The following SRPK2 variants were observed in gnomAD, a reference collection of about 807,000 sequenced individuals.
SRPK2 encodes SFRS protein kinase 2.
In SRPK2, 21 loss-of-function variants were observed where a neutral mutation model predicts 90.8. The ratio of observed to expected loss-of-function variants is 0.23; its 90% CI spans 0.16 to 0.33. The LOEUF (loss-of-function observed/expected upper bound fraction) is 0.33. SRPK2 is among the 10% of genes least tolerant of loss of function. The probability of loss-of-function intolerance (pLI) is 1.00; values close to 1 mark genes in which losing one functional copy is unlikely to be tolerated. For missense variants in SRPK2, 620 were observed against 869.0 expected (o/e 0.71, Z 3.60); for synonymous variants, 288 against 311.1 (o/e 0.93, Z 0.78).
At position 105,117,805 on chromosome 7, in the gene SRPK2, T is replaced by G; in HGVS notation, c.*33A>C. On this transcript the variant is annotated 3_prime_UTR_variant, in exon 16 of 16. Transcript: ENST00000393651. Reference sequence around the variant, plus strand: ...TTAGGTCCAATGTACTGGGAACATTTGCTAGCTCAGAATGCAATATTGGTA... The same window carrying G: ...TTAGGTCCAATGTACTGGGAACATTGGCTAGCTCAGAATGCAATATTGGTA... The G allele has an allele frequency of 6.2e-7, 1 of 1,609,422 alleles. No individual in the cohort carries two copies. Among genetic ancestry groups the G allele is most frequent in the Non-Finnish European group, 8.5e-7 (1 of 1,177,764 alleles).
At chr7:105,159,123 TA>T (rs1169703065) in intron 7 of SRPK2, among the ~76,000 whole-genome samples, 1 of 152,090 alleles carries the variant, frequency 6.6e-6, no homozygotes, top group African/African-American at 2.4e-5. Flanking sequence ...GAAGACAATG[TA>T]GTGAACTTTT....
chr7:105,394,287 T>G (rs1056427213), upstream of SRPK2, among the ~76,000 whole-genome samples: 2 of 151,940 alleles, frequency 1.3e-5, no homozygotes, highest in Non-Finnish European at 2.9e-5. Flanking sequence ...GGACTACAGG[T>G]GCACACCACC....
intron 2 of SRPK2, among the ~76,000 whole-genome samples, chr7:105,219,219 T>G (rs1433571683): frequency 6.6e-6 from 1 of 152,078 alleles, no homozygotes; most frequent in Non-Finnish European, 1.5e-5. Context: ...ACGGAACATT[T>G]TGGAGACACT....
At chr7:105,260,703 A>G (rs930865204) in intron 2 of SRPK2, among the ~76,000 whole-genome samples, 2 of 152,260 alleles carry the variant, frequency 1.3e-5, no homozygotes, top group African/African-American at 2.4e-5. Flanking sequence ...CTATGCAGCC[A>G]TAAAAAAGGA....
At chr7:105,237,443 C>G (rs557763402) in intron 2 of SRPK2, among the ~76,000 whole-genome samples, 1 of 152,314 alleles carries the variant, frequency 6.6e-6, no homozygotes, top group Admixed American at 6.5e-5. Context: ...TGCAGATATT[C>G]TAGTTCATCA....
intron 6 of SRPK2, among the ~76,000 whole-genome samples, chr7:105,164,331 C>T (rs1219935995): frequency 2.6e-5 from 4 of 152,190 alleles, no homozygotes; most frequent in Non-Finnish European, 5.9e-5. Flanking sequence ...CCAAGGAGTC[C>T]TTCTCCACCA....
At chr7:105,392,509 A>T (rs1487941793), upstream of SRPK2, among the ~76,000 whole-genome samples, 2 of 152,154 alleles carry the variant, frequency 1.3e-5, no homozygotes, top group Admixed American at 1.3e-4. Flanking sequence ...TAGAACAGTG[A>T]TTTTATAATC....
chr7:105,203,796 A>G lies in SRPK2; in HGVS notation c.72-11T>C, dbSNP rs371415565. 1 of 1,562,994 alleles carries G rather than the reference A, an allele frequency of 6.4e-7. No individual in the cohort carries two copies. The highest frequency in any genetic ancestry group is 1.4e-5 in the African/African-American group (1 of 73,482). ...TGTTGAGGCTCCGGCCTGAAAGAGC[A>G]GAGAGAAAATTGCTATTTACTTAGA... On this transcript the variant is annotated splice_polypyrimidine_tract_variant and intron_variant, in intron 2 of 15. Coordinates refer to ENST00000393651, the MANE Select transcript of SRPK2 (RefSeq NM_182692.3).
At position 105,250,418 on chromosome 7, in the gene SRPK2, C is replaced by A. The variant is rs564105901; in HGVS notation, c.72-46633G>T. Among the ~76,000 whole-genome samples the A allele has an allele frequency of 4.9e-3, 715 of 145,606 alleles. 4 individuals are homozygous for A. Among genetic ancestry groups the A allele is most frequent in the African/African-American group, 0.016 (650 of 40,028 alleles). ...TGCAAACAATGCAAGAAAAAAAAAA[C>A]AAAAACCTGATGTGTTGCATCACTG... On this transcript the variant is annotated intron_variant, in intron 2 of 15. Transcript: ENST00000393651.
chr7:105,330,071 G>A lies in SRPK2; in HGVS notation c.71+58577C>T, dbSNP rs368746316. ...AAATTAAAATAAAATAGCCAGGCGC[G>A]ATGGCTCACACCTGTAATCCCAGCA... On this transcript the variant is annotated intron_variant, in intron 2 of 15. Coordinates refer to ENST00000393651, the MANE Select transcript of SRPK2 (RefSeq NM_182692.3). Among the ~76,000 whole-genome samples the A allele has an allele frequency of 1.1e-4, 17 of 151,796 alleles. No homozygotes were observed. In the South Asian group the frequency reaches 1.9e-3, roughly 17 times the overall value.
intron 6 of SRPK2, among the ~76,000 whole-genome samples, chr7:105,162,662 G>A (rs955398404): frequency 3.9e-5 from 6 of 152,200 alleles, no homozygotes; most frequent in African/African-American, 1.4e-4. Context: ...AAAGCCAGAA[G>A]TTTCTTACTA....
At chr7:105,158,775 T>A (rs1020440088) in intron 7 of SRPK2, among the ~76,000 whole-genome samples, 2 of 152,054 alleles carry the variant, frequency 1.3e-5, no homozygotes, top group African/African-American at 4.8e-5. Context: ...CTTCCCAAGT[T>A]TTAACAATAT....
At chr7:105,203,266 A>G (rs1412754239) in intron 3 of SRPK2, among the ~76,000 whole-genome samples, 1 of 152,184 alleles carries the variant, frequency 6.6e-6, no homozygotes, top group African/African-American at 2.4e-5. Context: ...CTGGGATTAC[A>G]GGCTTCAGCC....
At chr7:105,240,499 T>C (rs936166643) in intron 2 of SRPK2, among the ~76,000 whole-genome samples, 13 of 152,122 alleles carry the variant, frequency 8.5e-5, no homozygotes, top group East Asian at 1.9e-4. Flanking sequence ...CCTAAGAATA[T>C]AGAAGAGGTA....
In SRPK2 at chr7:105,270,552, C is replaced by T. The variant is rs947235101; in HGVS notation, c.72-66767G>A. Among the ~76,000 whole-genome samples, 19 of 152,026 alleles carry T rather than the reference C, an allele frequency of 1.2e-4. No homozygotes were observed. The East Asian group carries it at 1.4e-3, about 11-fold the overall frequency. On this transcript the variant is annotated intron_variant, in intron 2 of 15. Coordinates refer to ENST00000393651, the MANE Select transcript of SRPK2 (RefSeq NM_182692.3). ...CCTCCCGGGTAGCTGGGATTACAGGCGCCCGCCACCATACCCAGCTAATTT... is the reference window on the plus strand; with the variant it reads ...CCTCCCGGGTAGCTGGGATTACAGGTGCCCGCCACCATACCCAGCTAATTT...
intron 7 of SRPK2, among the ~76,000 whole-genome samples, chr7:105,159,448 CAAAAAAAAAAAA>C (rs765544583): frequency 9.1e-5 from 3 of 33,144 alleles, no homozygotes; most frequent in African/African-American, 2.8e-4. Flanking sequence ...ACTCCGTCTC[CAAAAAAAAAAAA>C]AAAAAAAAAA....
intron 11 of SRPK2, 103 bp from the exon 12 acceptor site, chr7:105,133,207 G>T: frequency 1.9e-6 from 2 of 1,033,574 alleles, no homozygotes; most frequent in Non-Finnish European, 3.0e-6. Flanking sequence ...AAGAGTAGTG[G>T]AATGATCACT....
At chr7:105,353,223 C>A (rs1817403826) in intron 2 of SRPK2, among the ~76,000 whole-genome samples, 1 of 152,186 alleles carries the variant, frequency 6.6e-6, no homozygotes, top group African/African-American at 2.4e-5. Flanking sequence ...TAAATCTCAG[C>A]TCTACAACCT....
rs143226506 is a variant in SRPK2 at position 105,310,495 on chromosome 7, T to G, written c.71+78153A>C. Among the ~76,000 whole-genome samples, 358 of 152,034 alleles carry G rather than the reference T, an allele frequency of 2.4e-3. 1 individual carries two copies. The highest frequency in any genetic ancestry group is 8.0e-3 in the African/African-American group (330 of 41,464). ...CCATGTCTACCAAAAATATAAAACTTTAGCAGGGCATGGTGGCACACTCCT... is the reference window on the plus strand; with the variant it reads ...CCATGTCTACCAAAAATATAAAACTGTAGCAGGGCATGGTGGCACACTCCT... On this transcript the variant is annotated intron_variant, in intron 2 of 15. Coordinates refer to ENST00000393651, the MANE Select transcript of SRPK2 (RefSeq NM_182692.3).
Sources: allele counts gnomAD v4.1 joint callset (sites outside exome capture counted in the v4.1 genomes callset), GRCh38; gene constraint gnomAD v4.1.1; transcripts MANE v1.5; gene names NCBI Gene and HGNC (gene_info 2026-07-23, HGNC 2026-07-21).